The following MCF2L variants were observed in gnomAD, a reference collection of about 807,000 sequenced individuals.
MCF2L encodes the protein MCF.2 cell line derived transforming sequence like.
Under a neutral mutation model 153.4 loss-of-function variants are expected in MCF2L, and 97 were observed. That is an observed-to-expected ratio of 0.63 (90% confidence interval 0.54 to 0.75). MCF2L has a LOEUF of 0.75. Ranked by LOEUF, MCF2L falls within the 30% of genes least tolerant of loss-of-function variation. MCF2L has a pLI of 0.00. For synonymous variants in MCF2L, 659 were observed against 632.2 expected, an observed-to-expected ratio of 1.04 and a Z score of -0.64; for missense variants, 1,347 against 1,495.2, an observed-to-expected ratio of 0.90 and a Z score of 1.64.
chr13:113,034,288 C>T (rs1457808242), intron 3 of MCF2L, among the ~76,000 whole-genome samples: 1 of 152,134 alleles, frequency 6.6e-6, no homozygotes, highest in Non-Finnish European at 1.5e-5. Context: ...AGGCGCATGC[C>T]ACCACGCCCG....
chr13:112,986,379 C>A (rs1404635758), intron 1 of MCF2L, among the ~76,000 whole-genome samples: 5 of 152,224 alleles, frequency 3.3e-5, no homozygotes, highest in African/African-American at 2.4e-5. Context: ...GAGAGAAATG[C>A]GCATCACAGG....
intron 1 of MCF2L, among the ~76,000 whole-genome samples, chr13:112,971,020 G>A (rs2082021719): frequency 6.6e-6 from 1 of 152,158 alleles, no homozygotes; most frequent in Non-Finnish European, 1.5e-5. Context: ...TAGGGGAGGT[G>A]ACCCTGCATC....
At chr13:113,029,097 A>G (rs181621840) in intron 3 of MCF2L, among the ~76,000 whole-genome samples, 4 of 152,176 alleles carry the variant, frequency 2.6e-5, no homozygotes, top group Admixed American at 1.3e-4. Flanking sequence ...TTCTATCTGG[A>G]AATAAAACTC....
At position 113,088,674 on chromosome 13, in the gene MCF2L, C is replaced by A. The variant is rs1431467626; in HGVS notation, c.2834+46C>A. 3.2e-6 allele frequency: 5 copies of A among 1,578,246 alleles called. No individual in the cohort carries two copies. The Admixed American group carries it at 8.8e-5, about 28-fold the overall frequency. Reference sequence around the variant, plus strand: ...GCAGGCCTGCGTTTCTGGAGCAGTCCCGAGCAGGCCATTTGCACGCCAGGG... The same window carrying A: ...GCAGGCCTGCGTTTCTGGAGCAGTCACGAGCAGGCCATTTGCACGCCAGGG... On this transcript the variant is annotated intron_variant, in intron 25 of 29. Coordinates refer to ENST00000535094, the MANE Select transcript of MCF2L (RefSeq NM_001112732.3).
At chr13:112,920,044 C>G (rs573848789) in intron 2 of MCF2L, among the ~76,000 whole-genome samples, 28 of 152,318 alleles carry the variant, frequency 1.8e-4, no homozygotes, top group African/African-American at 6.5e-4. Context: ...TCCTTTATCT[C>G]AAGCTGTGCT....
At chr13:113,042,255 C>T (rs1188207779) in intron 3 of MCF2L, 1 of 152,256 alleles carries the variant, frequency 6.6e-6, no homozygotes, top group African/African-American at 2.4e-5. Context: ...CCTTCCTGCC[C>T]AGGACCCACA....
intron 26 of MCF2L, chr13:113,090,469 G>A: frequency 1.1e-6 from 1 of 925,272 alleles, no homozygotes; most frequent in Non-Finnish European, 1.3e-6. Flanking sequence ...CGCCTTCTCA[G>A]GTGAGTTCCC....
At position 113,066,972 on chromosome 13, in the gene MCF2L, C is replaced by T. The variant is rs181630196; in HGVS notation, c.881+802C>T. ...TCTGCCAGGGACATGCCAAGGGCCC[C>T]GGGGACTCGACGGCGCATCCTTGAG... On this transcript the variant is annotated intron_variant, in intron 8 of 29. Transcript: ENST00000535094. Among the ~76,000 whole-genome samples the T allele has an allele frequency of 8.7e-4, 133 of 152,364 alleles. 1 individual carries two copies. Among genetic ancestry groups the T allele is most frequent in the Admixed American group, 2.7e-3 (41 of 15,310 alleles).
chr13:112,931,385 A>T (rs1175049714), intron 2 of MCF2L, among the ~76,000 whole-genome samples: 2 of 152,196 alleles, frequency 1.3e-5, no homozygotes, highest in Non-Finnish European at 2.9e-5. Flanking sequence ...GCTCTGCCGG[A>T]AGCTGAAACT....
chr13:113,025,635 G>A, intron 3 of MCF2L, among the ~76,000 whole-genome samples: 1 of 121,326 alleles, frequency 8.2e-6, no homozygotes, highest in Non-Finnish European at 1.8e-5. Context: ...TTTCCCCATT[G>A]TGGGGTCCCT....
chr13:112,998,824 C>T (rs1248200569), intron 1 of MCF2L, among the ~76,000 whole-genome samples: 3 of 152,250 alleles, frequency 2.0e-5, no homozygotes, highest in South Asian at 4.1e-4. Flanking sequence ...TGAGGCCGTG[C>T]GAGCTCCCAC....
rs1229493713 is a variant in MCF2L at position 113,066,140 on chromosome 13, A to G, written c.851A>G (p.Asp284Gly). Residue 284 changes from aspartate to glycine, a missense_variant, in exon 8 of 30, where the codon GAC (aspartate) becomes GGC (glycine). Asp to Gly is a moderately conservative substitution (Grantham distance 94, BLOSUM62 -1). Coordinates refer to ENST00000535094, the MANE Select transcript of MCF2L (RefSeq NM_001112732.3). ...GGCTCAGAGCCCAGTGTGAACCAGG[A>G]CCAGCTTGACAACCAGGCCACCGTG... ...AEGSEPSVNQ[D>G]QLDNQATVQR... is the part of the protein sequence containing the mutation. 6.2e-7 allele frequency: 1 copy of G among 1,612,788 alleles called. No individual in the cohort carries two copies. The highest frequency in any genetic ancestry group is 8.5e-7 in the Non-Finnish European group (1 of 1,179,800).
At chr13:112,929,479 C>G (rs1237086034) in intron 2 of MCF2L, among the ~76,000 whole-genome samples, 1 of 152,220 alleles carries the variant, frequency 6.6e-6, no homozygotes, top group East Asian at 1.9e-4. Context: ...TCCGCCTTCT[C>G]TTAAATGCAT....
At position 113,032,844 on chromosome 13, in the gene MCF2L, C is replaced by T. The variant is rs575567935; in HGVS notation, c.278+8086C>T. 4.6e-5 allele frequency among the ~76,000 whole-genome samples: 7 copies of T among 152,370 alleles called. No homozygotes were observed. In the South Asian group the frequency reaches 1.2e-3, roughly 27 times the overall value. On this transcript the variant is annotated intron_variant, in intron 3 of 29. Transcript: ENST00000535094. ...CTTGGCCTCCAAAGTGCTGGGATTA[C>T]AGATGTGAGCCATCGTGCCCGCCTG...
At chr13:112,961,531 C>T (rs2081825997) in intron 2 of MCF2L, among the ~76,000 whole-genome samples, 1 of 152,248 alleles carries the variant, frequency 6.6e-6, no homozygotes, top group African/African-American at 2.4e-5. Context: ...GGGACTGGCC[C>T]TGCCGTTCCC....
In MCF2L at chr13:113,044,616, A is replaced by G. The variant is rs148960081; in HGVS notation, c.279-655A>G. 8.2e-4 allele frequency: 1,295 copies of G among 1,581,266 alleles called. 6 individuals are homozygous for G. In the African/African-American group the frequency reaches 0.016, roughly 19 times the overall value. On this transcript the variant is annotated intron_variant, in intron 3 of 29. Coordinates refer to ENST00000535094, the MANE Select transcript of MCF2L (RefSeq NM_001112732.3). ...ATTGGCTTGGCTGCAGAGTGAGCCC[A>G]CGGAAGAGGGCTCTCCGCACCGACT...
intron 2 of MCF2L, among the ~76,000 whole-genome samples, chr13:112,925,403 TCTGTACGTGTAC>T (rs2081391920): frequency 1.3e-5 from 2 of 152,300 alleles, no homozygotes; most frequent in African/African-American, 4.8e-5. Flanking sequence ...AAGGAGTACT[TCTGTACGTGTAC>T]GTATGTGGAC....
intron 26 of MCF2L, 83 bp downstream of exon 26, chr13:113,089,811 G>A (rs2035023928): frequency 6.2e-7 from 1 of 1,603,658 alleles, no homozygotes; most frequent in South Asian, 1.1e-5. Flanking sequence ...CGAGAAACCT[G>A]CGCTTCCTGC....
At chr13:113,006,300 C>A (rs917087057) in intron 1 of MCF2L, among the ~76,000 whole-genome samples, 2 of 152,252 alleles carry the variant, frequency 1.3e-5, no homozygotes, top group Non-Finnish European at 2.9e-5. Flanking sequence ...CTGCTTACAG[C>A]TGAGCCTGAC....
Sources: gnomAD v4.1 joint callset for allele counts (sites outside exome capture counted in the v4.1 genomes callset) on GRCh38, gnomAD v4.1.1 for gene constraint, MANE v1.5 for transcripts, NCBI Gene and HGNC (gene_info 2026-07-23, HGNC 2026-07-21) for gene names.